The following PDE8A variants were observed in gnomAD, a reference collection of about 807,000 sequenced individuals.
PDE8A encodes phosphodiesterase 8A.
In PDE8A, 59 loss-of-function variants were observed where a neutral mutation model predicts 105.0. That is an observed-to-expected ratio of 0.56 (90% CI 0.46 to 0.70). The LOEUF (loss-of-function observed/expected upper bound fraction) is 0.70. Among genes scored for constraint, PDE8A ranks in the 30% least tolerant of loss-of-function variants. PDE8A has a pLI of 0.00. For missense variants in PDE8A, 1,014 were observed against 1,045.9 expected (o/e 0.97, Z 0.42); for synonymous variants, 355 against 371.9 (o/e 0.95, Z 0.52).
intron 20 of PDE8A, among the ~76,000 whole-genome samples, chr15:85,130,920 T>G (rs2082321621): frequency 6.6e-6 from 1 of 152,056 alleles, no homozygotes; most frequent in African/African-American, 2.4e-5. Context: ...CCACCATGCC[T>G]GGCTAATTTT....
chr15:85,127,153 A>G (rs1002162518), intron 20 of PDE8A, among the ~76,000 whole-genome samples: 1 of 152,148 alleles, frequency 6.6e-6, no homozygotes, highest in Non-Finnish European at 1.5e-5. Flanking sequence ...AGCCATGATC[A>G]TGTCACTGCA....
chr15:85,113,644 A>G (rs529120806), intron 13 of PDE8A, among the ~76,000 whole-genome samples, 197 bp downstream of exon 13: 6 of 152,302 alleles, frequency 3.9e-5, no homozygotes, highest in African/African-American at 1.4e-4. Context: ...ATTAAGTACT[A>G]TGGCCAGACT....
chr15:85,118,323 A>G (rs1390416102), intron 17 of PDE8A, among the ~76,000 whole-genome samples: 1 of 152,074 alleles, frequency 6.6e-6, no homozygotes, highest in Admixed American at 6.5e-5. Context: ...ACCGAGAGTC[A>G]TCCTTGGTTC....
chr15:85,039,591 A>G (rs552156566), intron 1 of PDE8A, among the ~76,000 whole-genome samples: 6 of 152,162 alleles, frequency 3.9e-5, no homozygotes, highest in African/African-American at 1.2e-4. Context: ...CCATCTAGCA[A>G]TCCCACTTCT....
chr15:85,042,329 C>T (rs768034544), intron 1 of PDE8A, among the ~76,000 whole-genome samples: 3 of 152,166 alleles, frequency 2.0e-5, no homozygotes, highest in East Asian at 1.9e-4. Flanking sequence ...TATGTACCAC[C>T]GTGCCCAGCT....
At chr15:85,008,883 C>T (rs1041196111) in intron 1 of PDE8A, among the ~76,000 whole-genome samples, 5 of 152,138 alleles carry the variant, frequency 3.3e-5, no homozygotes, top group Non-Finnish European at 4.4e-5. Flanking sequence ...CCCTGTGTCT[C>T]GAGTTCAGCA....
intron 17 of PDE8A, among the ~76,000 whole-genome samples, chr15:85,119,555 A>G (rs913321311): frequency 6.6e-6 from 1 of 151,706 alleles, no homozygotes; most frequent in African/African-American, 2.4e-5. Flanking sequence ...TTTAATTTAA[A>G]TCAATTTAAA....
At chr15:85,057,845 C>G (rs1472006047) in intron 1 of PDE8A, among the ~76,000 whole-genome samples, 2 of 152,138 alleles carry the variant, frequency 1.3e-5, no homozygotes. Flanking sequence ...TTACACTGAT[C>G]AATTTTCATA....
intron 8 of PDE8A, among the ~76,000 whole-genome samples, chr15:85,093,862 CTT>C (rs61045649): frequency 0.018 from 2,731 of 148,084 alleles, 40 homozygotes; most frequent in Middle Eastern, 0.038. Flanking sequence ...TTTTAGAGAT[CTT>C]TTTTTTTTTT....
At chr15:85,132,508 C>G (rs574337538) in intron 20 of PDE8A, among the ~76,000 whole-genome samples, 4 of 152,132 alleles carry the variant, frequency 2.6e-5, no homozygotes, top group African/African-American at 9.7e-5. Flanking sequence ...CTCTGTCGCC[C>G]AAGCTGGAGT....
intron 20 of PDE8A, among the ~76,000 whole-genome samples, chr15:85,132,048 CAGAT>C (rs1269455699): frequency 2.0e-5 from 3 of 152,170 alleles, no homozygotes; most frequent in African/African-American, 7.2e-5. Flanking sequence ...TAGTGTGTCT[CAGAT>C]AGATCTCTTT....
chr15:85,118,296 G>A (rs566021352), intron 17 of PDE8A, among the ~76,000 whole-genome samples: 2 of 152,182 alleles, frequency 1.3e-5, no homozygotes, highest in African/African-American at 2.4e-5. Flanking sequence ...TTATCCAACC[G>A]GATACCCAGA....
intron 12 of PDE8A, among the ~76,000 whole-genome samples, chr15:85,110,576 G>A (rs2082007070): frequency 6.6e-6 from 1 of 152,110 alleles, no homozygotes; most frequent in African/African-American, 2.4e-5. Flanking sequence ...CTAGCTTCTT[G>A]CACTTTCATG....
chr15:85,136,346 G>A (rs1217620066), intron 20 of PDE8A, among the ~76,000 whole-genome samples, 188 bp from the exon 21 acceptor site: 1 of 152,208 alleles, frequency 6.6e-6, no homozygotes, highest in Non-Finnish European at 1.5e-5. Context: ...CTGACATGGA[G>A]TAGTCCTCAT....
In PDE8A at chr15:85,075,912, T is replaced by C; in HGVS notation, c.485T>C (p.Val162Ala). 1 of 1,562,068 alleles carries C rather than the reference T, an allele frequency of 6.4e-7. No individual in the cohort carries two copies. Among genetic ancestry groups the C allele is most frequent in the Non-Finnish European group, 8.8e-7 (1 of 1,136,768 alleles). ...LSENTVIVGV[V>A]RRVDREELSV... ...GAAAACACAGTTATTGTTGGTGTAGTACGCAGGTAAACTTTCATTTTTTTA... is the reference window on the plus strand; with the variant it reads ...GAAAACACAGTTATTGTTGGTGTAGCACGCAGGTAAACTTTCATTTTTTTA... Residue 162 changes from valine (V) to alanine (A), a missense_variant, in exon 4 of 22, where the codon GTA becomes GCA. Physicochemically the swap from Val to Ala is moderately conservative, Grantham distance 64. Transcript: ENST00000394553.
chr15:85,080,613 G>T (rs2081449141), intron 5 of PDE8A, among the ~76,000 whole-genome samples: 2 of 152,190 alleles, frequency 1.3e-5, no homozygotes, highest in Non-Finnish European at 2.9e-5. Flanking sequence ...TGTGCCTGGT[G>T]ACTGCCGTGT....
At chr15:85,067,293 T>A in intron 3 of PDE8A, 89 bp downstream of exon 3, 2 of 919,936 alleles carry the variant, frequency 2.2e-6, no homozygotes, top group South Asian at 1.9e-5. Flanking sequence ...ACTCACTCTC[T>A]TTTAAGTTGC....
At chr15:84,995,677 A>G (rs537929046) in intron 1 of PDE8A, among the ~76,000 whole-genome samples, 1 of 152,228 alleles carries the variant, frequency 6.6e-6, no homozygotes, top group East Asian at 1.9e-4. Flanking sequence ...GGATTCATCT[A>G]TGTTTCATGT....
intron 3 of PDE8A, among the ~76,000 whole-genome samples, chr15:85,071,302 C>T (rs923213320): frequency 6.6e-6 from 1 of 152,224 alleles, no homozygotes; most frequent in Non-Finnish European, 1.5e-5. Context: ...AAACAGATGA[C>T]TGAGCCCCAG....
Sources: gnomAD v4.1 joint callset for allele counts (sites outside exome capture counted in the v4.1 genomes callset) on GRCh38, gnomAD v4.1.1 for gene constraint, MANE v1.5 for transcripts, NCBI Gene and HGNC (gene_info 2026-07-23, HGNC 2026-07-21) for gene names.